The following FAM168A variants were observed in gnomAD, a reference collection of about 807,000 sequenced individuals.
FAM168A encodes family with sequence similarity 168 member A, also known as protein FAM168A.
Under a neutral mutation model 28.5 loss-of-function variants are expected in FAM168A, and 3 were observed. That is an observed-to-expected ratio of 0.11 (90% CI 0.05 to 0.27). FAM168A has a LOEUF of 0.27. Among genes scored for constraint, FAM168A ranks in the 10% least tolerant of loss-of-function variants. The pLI is 1.00. For missense variants in FAM168A, 222 were observed against 311.5 expected (o/e 0.71, Z 2.16); for synonymous variants, 122 against 124.2 (o/e 0.98, Z 0.12).
At chr11:73,467,798 A>G (rs552520041) in intron 2 of FAM168A, among the ~76,000 whole-genome samples, 3 of 152,364 alleles carry the variant, frequency 2.0e-5, no homozygotes, top group African/African-American at 7.2e-5. Flanking sequence ...GGTATAGGGT[A>G]CTGCCCCATG....
At chr11:73,589,400 G>A (rs1944353891) in intron 1 of FAM168A, among the ~76,000 whole-genome samples, 1 of 151,650 alleles carries the variant, frequency 6.6e-6, no homozygotes, top group African/African-American at 2.4e-5. Flanking sequence ...TGTAACATGG[G>A]CGTCCAACCT....
chr11:73,519,885 C>T (rs1943354819), intron 1 of FAM168A, among the ~76,000 whole-genome samples: 1 of 151,432 alleles, frequency 6.6e-6, no homozygotes, highest in African/African-American at 2.4e-5. Flanking sequence ...TGGTCTCAAA[C>T]TCCTGGGCTC....
chr11:73,450,733 G>T (rs774369215), intron 2 of FAM168A, among the ~76,000 whole-genome samples: 3 of 148,888 alleles, frequency 2.0e-5, no homozygotes, highest in Non-Finnish European at 4.4e-5. Flanking sequence ...TTATGGACCA[G>T]ACAGACCCTG....
intron 1 of FAM168A, among the ~76,000 whole-genome samples, chr11:73,590,951 T>C (rs2134747563): frequency 6.6e-6 from 1 of 152,316 alleles, no homozygotes; most frequent in South Asian, 2.1e-4. Flanking sequence ...AAGACCAGCC[T>C]GGCCAACATG....
At chr11:73,511,564 A>C (rs1281529859) in intron 1 of FAM168A, among the ~76,000 whole-genome samples, 6 of 146,980 alleles carry the variant, frequency 4.1e-5, no homozygotes, top group African/African-American at 1.3e-4. Context: ...AATGAATCTT[A>C]AGCTGTTTTA....
rs546627944 is a variant in FAM168A, at chr11:73,541,665, C to T, written c.-19+56258G>A. ...GATTACAGGCGTGAGCCACCGCACC[C>T]GGCTCCTAAACTTCTTTAATCTCCT... On this transcript the variant is annotated intron_variant, in intron 1 of 7. Transcript: ENST00000356467. 6.6e-5 allele frequency among the ~76,000 whole-genome samples: 10 copies of T among 152,234 alleles called. No individual in the cohort carries two copies. The East Asian group carries it at 1.5e-3, about 23-fold the overall frequency.
At chr11:73,526,014 G>GT (rs908660478) in intron 1 of FAM168A, among the ~76,000 whole-genome samples, 14 of 152,088 alleles carry the variant, frequency 9.2e-5, no homozygotes, top group East Asian at 1.9e-4. Flanking sequence ...GTAGTATGCT[G>GT]TTTTTTTGAA....
Position 73,457,042 on chromosome 11 carries a change from T to C in FAM168A, c.70+11363A>G, listed in dbSNP as rs143592539. On this transcript the variant is annotated intron_variant, in intron 2 of 7. Transcript: ENST00000356467. ...TTACAAGAACAGATGAATGAATAAATAAATATTGTATGATTCTACTTATAT... is the reference window on the plus strand; with the variant it reads ...TTACAAGAACAGATGAATGAATAAACAAATATTGTATGATTCTACTTATAT... 1.9e-3 allele frequency among the ~76,000 whole-genome samples: 290 copies of C among 152,298 alleles called. 8 individuals are homozygous for C. In the East Asian group the frequency reaches 0.05, roughly 26 times the overall value.
At chr11:73,440,487 A>C (rs900067963) in intron 2 of FAM168A, among the ~76,000 whole-genome samples, 1 of 152,084 alleles carries the variant, frequency 6.6e-6, no homozygotes, top group Admixed American at 6.6e-5. Context: ...TGGCTCTACA[A>C]AAAGCGGTGG....
At chr11:73,448,130 C>T (rs1393875431) in intron 2 of FAM168A, among the ~76,000 whole-genome samples, 1 of 152,112 alleles carries the variant, frequency 6.6e-6, no homozygotes, top group Non-Finnish European at 1.5e-5. Context: ...TCACTGCAAC[C>T]TCTGCCTCCT....
intron 1 of FAM168A, among the ~76,000 whole-genome samples, chr11:73,596,754 C>T (rs959455006): frequency 1.3e-5 from 2 of 152,070 alleles, no homozygotes; most frequent in African/African-American, 2.4e-5. Flanking sequence ...TCCAGCACAG[C>T]TCACTGTCCC....
intron 5 of FAM168A, 128 bp from the exon 6 acceptor site, chr11:73,409,789 G>C: frequency 1.1e-6 from 1 of 933,820 alleles, no homozygotes; most frequent in South Asian, 1.7e-5. Flanking sequence ...CTATGTGACT[G>C]TGGTCAGTGC....
intron 4 of FAM168A, among the ~76,000 whole-genome samples, chr11:73,418,082 T>C (rs1414572528): frequency 6.6e-6 from 1 of 152,210 alleles, no homozygotes; most frequent in Non-Finnish European, 1.5e-5. Context: ...TATGAGACTA[T>C]ATTTTACAAA....
intron 1 of FAM168A, among the ~76,000 whole-genome samples, chr11:73,469,090 G>A (rs75709615): frequency 0.014 from 2,122 of 152,276 alleles, 31 homozygotes; most frequent in African/African-American, 0.041. Flanking sequence ...TAATTTTAAT[G>A]CAAACAAGGA....
intron 2 of FAM168A, among the ~76,000 whole-genome samples, chr11:73,435,273 A>G (rs2134518990): frequency 6.6e-6 from 1 of 152,378 alleles, no homozygotes; most frequent in Non-Finnish European, 1.5e-5. Context: ...TCTCAAGAAG[A>G]AAGTCAGGGG....
intron 3 of FAM168A, chr11:73,424,908 G>A (rs1288602420): frequency 1.2e-6 from 1 of 835,856 alleles, no homozygotes; most frequent in African/African-American, 1.7e-5. Flanking sequence ...CCACCTGGGG[G>A]GAGCCCAAGC....
chr11:73,543,057 C>G (rs1943677725), intron 1 of FAM168A, among the ~76,000 whole-genome samples: 1 of 152,088 alleles, frequency 6.6e-6, no homozygotes, highest in South Asian at 2.1e-4. Context: ...TTCACCTCAT[C>G]AGCAAGGCCT....
chr11:73,442,125 CTTT>C (rs59066860), intron 2 of FAM168A, among the ~76,000 whole-genome samples: 4 of 130,954 alleles, frequency 3.1e-5, no homozygotes, highest in Non-Finnish European at 4.8e-5. Context: ...CTTTCTTCTT[CTTT>C]TTTTTTTTTT....
intron 1 of FAM168A, among the ~76,000 whole-genome samples, chr11:73,529,061 C>G (rs990310788): frequency 6.6e-6 from 1 of 152,146 alleles, no homozygotes; most frequent in Admixed American, 6.6e-5. Flanking sequence ...GTCTGAAGCT[C>G]AAGCTCTAAC....
Sources: allele counts gnomAD v4.1 joint callset (sites outside exome capture counted in the v4.1 genomes callset), GRCh38; gene constraint gnomAD v4.1.1; transcripts MANE v1.5; gene names NCBI Gene and HGNC (gene_info 2026-07-23, HGNC 2026-07-21).